Variants in NUP153 observed in about 807,000 individuals in gnomAD.
NUP153 encodes the protein nuclear pore complex protein Nup153.
Under a neutral mutation model 134.6 loss-of-function variants are expected in NUP153, and 27 were observed. That is an observed-to-expected ratio of 0.20 (90% CI 0.15 to 0.28). The LOEUF is 0.28. Ranked by LOEUF, NUP153 falls within the 10% of genes least tolerant of loss-of-function variation. The probability of loss-of-function intolerance (pLI) is 1.00; values close to 1 mark genes in which losing one functional copy is unlikely to be tolerated. For missense variants in NUP153, 1,821 were observed against 1,731.3 expected, an observed-to-expected ratio of 1.05 and a Z score of -0.92; for synonymous variants, 640 against 623.5, an observed-to-expected ratio of 1.03 and a Z score of -0.40.
At chr6:17,662,807 T>C (rs1299882115) in intron 9 of NUP153, among the ~76,000 whole-genome samples, 9 of 152,234 alleles carry the variant, frequency 5.9e-5, no homozygotes, top group Admixed American at 3.9e-4. Flanking sequence ...CTGCCAAAAG[T>C]AGGTAACTGA....
In NUP153 at chr6:17,675,643, C is replaced by G. The variant is rs377329600; in HGVS notation, c.462G>C (p.Ser154=). ...PALHCQPSTS[S]AFPIGSSGFS... is the part of the protein sequence containing the mutation. ...ATCCCGAACTGCCAATTGGGAATGC[C>G]GAGGATGTAGATGGCTGACAGTGTA... The change falls in exon 3 of 22, where the codon TCG becomes TCC. Residue 154 remains serine, a synonymous_variant. Transcript: ENST00000262077. This position sits in a 1 kb window ranked among gnomAD's most constrained non-coding sequence, Gnocchi z 4.4. 6.2e-6 allele frequency: 10 copies of G among 1,613,996 alleles called. No individual in the cohort carries two copies. Among genetic ancestry groups the G allele is most frequent in the South Asian group, 1.1e-5 (1 of 91,066 alleles).
chr6:17,682,681 G>A (rs1178771292), intron 2 of NUP153, among the ~76,000 whole-genome samples: 1 of 152,132 alleles, frequency 6.6e-6, no homozygotes, highest in African/African-American at 2.4e-5. Context: ...CACTTCGGGA[G>A]GCTGAGGGGT....
rs934258530 is a variant in NUP153, at chr6:17,650,759, C to A, written c.1396-1459G>T. ...TATGTGAGCAAACAAAAACTTTTTT[C>A]TCTTAATTTCCTTAAAATATATTTA... On this transcript the variant is annotated intron_variant, in intron 11 of 21. Coordinates refer to ENST00000262077, the MANE Select transcript of NUP153 (RefSeq NM_005124.4). 8.5e-5 allele frequency among the ~76,000 whole-genome samples: 13 copies of A among 152,068 alleles called. No homozygotes were observed. The East Asian group carries it at 2.5e-3, about 29-fold the overall frequency.
chr6:17,632,846 T>TG lies in NUP153; in HGVS notation c.2465-3_2465-2insC, dbSNP rs1554137480. On this transcript the variant is annotated splice_polypyrimidine_tract_variant and splice_region_variant and intron_variant, in intron 16 of 21. Coordinates refer to ENST00000262077, the MANE Select transcript of NUP153 (RefSeq NM_005124.4). Reference sequence around the variant, plus strand: ...TACTTGAAGCAGGTACTGAACTTCCTAAAAAAAAAAAAAAAAACGGGGAGT... The same window carrying TG: ...TACTTGAAGCAGGTACTGAACTTCCTGAAAAAAAAAAAAAAAAACGGGGAGT... 3.6e-3 allele frequency: 3,099 copies of TG among 864,970 alleles called. 73 individuals carry two copies. In the East Asian group the frequency reaches 0.078, roughly 22 times the overall value. The allele number at this position is 864,970 out of a possible 1,614,324, so 53.6% of individuals were successfully genotyped here. A position where few individuals can be genotyped will look rare whatever the true frequency, so the allele number is the denominator to read the frequency against.
At chr6:17,660,771 A>C (rs1175826044) in intron 11 of NUP153, among the ~76,000 whole-genome samples, 2 of 152,150 alleles carry the variant, frequency 1.3e-5, no homozygotes, top group South Asian at 4.1e-4. Flanking sequence ...AATACAGCAG[A>C]AGATGTGGAT....
In NUP153 at chr6:17,615,815, T is replaced by C; in HGVS notation, c.*282A>G. 1 of 356,758 alleles carries C rather than the reference T, an allele frequency of 2.8e-6. No homozygotes were observed. Among genetic ancestry groups the C allele is most frequent in the Non-Finnish European group, 5.1e-6 (1 of 196,250 alleles). The allele number at this position is 356,758 out of a possible 1,614,324, so 22.1% of individuals were successfully genotyped here. Reference sequence around the variant, plus strand: ...AAGCCATTCACCGTGCAGGCTCCATTCCTGGGTACAGCCAGACTATGTCAA... The same window carrying C: ...AAGCCATTCACCGTGCAGGCTCCATCCCTGGGTACAGCCAGACTATGTCAA... On this transcript the variant is annotated 3_prime_UTR_variant, in exon 22 of 22. Coordinates refer to ENST00000262077, the MANE Select transcript of NUP153 (RefSeq NM_005124.4). This position sits in a 1 kb window ranked among gnomAD's most constrained non-coding sequence, Gnocchi z 5.7.
rs1215113665 is a variant in NUP153, at chr6:17,628,762, G to T, written c.3437C>A (p.Ser1146Tyr). The change falls in exon 18 of 22, where the codon TCT (serine) becomes TAT (tyrosine). Residue 1146 changes from serine to tyrosine, a missense_variant. Physicochemically the swap from Ser to Tyr is moderately radical, Grantham distance 144 (BLOSUM62 -2). Coordinates refer to ENST00000262077, the MANE Select transcript of NUP153 (RefSeq NM_005124.4). The surrounding 1 kb of genome is among the most constrained non-coding windows in gnomAD (Gnocchi z 5.4). ...GNSEQTKDEN[S>Y]SKSTFSFSMT... is the part of the protein sequence containing the mutation. ...ACTAAAACTAAATGTGGACTTTGAA[G>T]AATTCTCATCTTTGGTTTGCTCTGA... 1 of 1,614,138 alleles carries T rather than the reference G, an allele frequency of 6.2e-7. No homozygotes were observed. Among genetic ancestry groups the T allele is most frequent in the Non-Finnish European group, 8.5e-7 (1 of 1,180,012 alleles).
intron 11 of NUP153, among the ~76,000 whole-genome samples, chr6:17,649,569 C>T (rs1296647960): frequency 3.7e-4 from 3 of 8,158 alleles, no homozygotes; most frequent in Non-Finnish European, 7.9e-3. Context: ...CGATATACTA[C>T]AGTTGTACTA....
At chr6:17,626,223 TTTTTCCTACCCTACAATTGCTAGAA>T (rs1182711340) in intron 18 of NUP153, 59 bp from the exon 19 acceptor site, 16 of 1,328,688 alleles carry the variant, frequency 1.2e-5, no homozygotes, top group Non-Finnish European at 1.6e-5. Context: ...CAGAAAGTAC[TTTTTCCTACCCTACAATTGCTAGAA>T]TTTTCCTACC....
chr6:17,693,789 G>A (rs968182381), intron 1 of NUP153, among the ~76,000 whole-genome samples: 4 of 151,872 alleles, frequency 2.6e-5, no homozygotes, highest in African/African-American at 9.7e-5. Flanking sequence ...GGAAGGCTGA[G>A]GCAGAAAAAA....
chr6:17,702,884 T>C (rs1035855032), intron 1 of NUP153, among the ~76,000 whole-genome samples: 1 of 126,330 alleles, frequency 7.9e-6, no homozygotes, highest in African/African-American at 2.8e-5. Context: ...CTGCACAACT[T>C]CATGCAAGAT....
intron 20 of NUP153, among the ~76,000 whole-genome samples, chr6:17,623,446 T>G (rs769457072): frequency 1.3e-5 from 2 of 151,114 alleles, no homozygotes; most frequent in Non-Finnish European, 2.9e-5. Flanking sequence ...ACAATGGTGG[T>G]AGGATATGAA....
chr6:17,667,161 G>A (rs1336837279), intron 8 of NUP153, among the ~76,000 whole-genome samples: 1 of 152,128 alleles, frequency 6.6e-6, no homozygotes. Context: ...ATGAGGGGTT[G>A]AGAAAAGCTA....
intron 20 of NUP153, among the ~76,000 whole-genome samples, chr6:17,623,354 G>A (rs1764749252): frequency 1.2e-5 from 1 of 85,298 alleles, no homozygotes; most frequent in Non-Finnish European, 2.4e-5. Context: ...ACTGAAAAAT[G>A]GCCAAAAAAA....
Position 17,675,209 on chromosome 6 carries a change from C to A in NUP153, c.723+20G>T. ...ACACTCAAAACTAATGTGATTAAAT[C>A]CAACCCAGTTAGTACTCACAGGGGA... is the stretch of plus-strand genomic sequence containing the variant. On this transcript the variant is annotated intron_variant, in intron 4 of 21. Coordinates refer to ENST00000262077, the MANE Select transcript of NUP153 (RefSeq NM_005124.4). This position sits in a 1 kb window ranked among gnomAD's most constrained non-coding sequence, Gnocchi z 4.4. The A allele has an allele frequency of 6.2e-7, 1 of 1,612,384 alleles. No individual in the cohort carries two copies. Among genetic ancestry groups the A allele is most frequent in the African/African-American group, 1.3e-5 (1 of 74,812 alleles).
chr6:17,665,175 C>G, intron 9 of NUP153, 64 bp downstream of exon 9: 4 of 1,213,254 alleles, frequency 3.3e-6, no homozygotes, highest in Non-Finnish European at 4.7e-6. Context: ...TTATATTTTA[C>G]ATTATTTAGT....
intron 13 of NUP153, among the ~76,000 whole-genome samples, chr6:17,646,626 G>GTT (rs1766201169): frequency 6.6e-6 from 1 of 152,168 alleles, no homozygotes; most frequent in Non-Finnish European, 1.5e-5. Flanking sequence ...CAATGTCACA[G>GTT]TTTAACAGGC....
chr6:17,623,848 G>A (rs1217586435), intron 20 of NUP153, among the ~76,000 whole-genome samples: 4 of 152,092 alleles, frequency 2.6e-5, no homozygotes, highest in African/African-American at 9.7e-5. Context: ...AATAAATGCA[G>A]TAATAAAACC....
intron 2 of NUP153, among the ~76,000 whole-genome samples, chr6:17,676,391 T>G (rs1022991094): frequency 3.3e-5 from 5 of 152,180 alleles, no homozygotes; most frequent in Admixed American, 1.3e-4. Context: ...ATGATGTATC[T>G]TTATACTTCT....
Sources: allele counts gnomAD v4.1 joint callset (sites outside exome capture counted in the v4.1 genomes callset), GRCh38; gene constraint gnomAD v4.1.1; non-coding constraint Gnocchi (gnomAD v3.1); transcripts MANE v1.5; gene names NCBI Gene and HGNC (gene_info 2026-07-23, HGNC 2026-07-21).